Variants in PHACTR1 observed in about 807,000 individuals in gnomAD.
PHACTR1 encodes phosphatase and actin regulator 1.
A neutral mutation model predicts 69.2 loss-of-function variants in PHACTR1; 16 were observed. The observed-to-expected ratio is 0.23, with a 90% CI of 0.16 to 0.35. The LOEUF is 0.35. Among genes scored for constraint, PHACTR1 ranks in the 10% least tolerant of loss-of-function variants. The pLI is 1.00. For synonymous variants in PHACTR1, 312 were observed against 284.5 expected (o/e 1.10, Z -0.97); for missense variants, 510 against 734.7 (o/e 0.69, Z 3.54).
intron 4 of PHACTR1, among the ~76,000 whole-genome samples, chr6:13,044,023 CT>C (rs1185793756): frequency 3.3e-5 from 5 of 152,034 alleles, no homozygotes; most frequent in Non-Finnish European, 7.4e-5. Flanking sequence ...TACTGAATAT[CT>C]AAGGAAGAAT....
intron 10 of PHACTR1, among the ~76,000 whole-genome samples, chr6:13,240,827 A>G (rs1772733701): frequency 6.6e-6 from 1 of 152,162 alleles, no homozygotes; most frequent in South Asian, 2.1e-4. Context: ...GATACGTGCC[A>G]TTTATAACTT....
chr6:13,285,382 G>A (rs1348079560), intron 13 of PHACTR1, among the ~76,000 whole-genome samples: 1 of 152,156 alleles, frequency 6.6e-6, no homozygotes, highest in Non-Finnish European at 1.5e-5. Flanking sequence ...TCCCATCAAA[G>A]CAAGTATCGG....
At chr6:12,919,047 C>T (rs1787339367) in intron 4 of PHACTR1, among the ~76,000 whole-genome samples, 3 of 152,196 alleles carry the variant, frequency 2.0e-5, no homozygotes, top group South Asian at 2.1e-4. Context: ...AGGCTGGTCT[C>T]GAACTCCTGA....
intron 4 of PHACTR1, among the ~76,000 whole-genome samples, chr6:12,933,429 A>G (rs1274973331): frequency 6.6e-6 from 1 of 152,250 alleles, no homozygotes; most frequent in Non-Finnish European, 1.5e-5. Flanking sequence ...TTTAAAAACA[A>G]TCTCCATATA....
chr6:12,795,089 G>A (rs1429960107), intron 4 of PHACTR1, among the ~76,000 whole-genome samples: 1 of 152,136 alleles, frequency 6.6e-6, no homozygotes, highest in Non-Finnish European at 1.5e-5. Context: ...CTGGGGTGGA[G>A]CCAGGGGTTC....
chr6:13,191,777 C>T (rs1763635042), intron 7 of PHACTR1, among the ~76,000 whole-genome samples: 1 of 152,178 alleles, frequency 6.6e-6, no homozygotes, highest in African/African-American at 2.4e-5. Flanking sequence ...TGTCAAAACT[C>T]ATACAAAAAA....
Position 12,883,518 on chromosome 6 carries a change from CT to C in PHACTR1, c.250+133742del, listed in dbSNP as rs149392183. 8.4e-3 allele frequency among the ~76,000 whole-genome samples: 1,178 copies of C among 140,706 alleles called. 15 individuals are homozygous for C. Among genetic ancestry groups the C allele is most frequent in the African/African-American group, 0.01 (392 of 38,518 alleles). The allele number at this position is 140,706 out of a possible 152,430, so 92.3% of individuals were successfully genotyped here. On this transcript the variant is annotated intron_variant, in intron 4 of 14. Coordinates refer to ENST00000332995, the MANE Select transcript of PHACTR1 (RefSeq NM_030948.6). ...GTGTGAGCCACCGTGCCCGTCCAAG[CT>C]TTTTTTTTTTTTTAAAGGTAGAAAG...
At chr6:13,220,452 GCTTAATGACGTCAC>G (rs1484266793) in intron 8 of PHACTR1, among the ~76,000 whole-genome samples, 1 of 152,156 alleles carries the variant, frequency 6.6e-6, no homozygotes, top group African/African-American at 2.4e-5. Flanking sequence ...ATCTCATCAA[GCTTAATGACGTCAC>G]CTTACAAAGC....
At chr6:13,091,854 A>G (rs1045790609) in intron 5 of PHACTR1, among the ~76,000 whole-genome samples, 2 of 151,932 alleles carry the variant, frequency 1.3e-5, no homozygotes, top group Non-Finnish European at 2.9e-5. Context: ...CTGGAGTGCA[A>G]TGGCGCAATC....
intron 10 of PHACTR1, among the ~76,000 whole-genome samples, chr6:13,242,119 A>AG (rs1190728963): frequency 6.6e-6 from 1 of 152,098 alleles, no homozygotes; most frequent in African/African-American, 2.4e-5. Context: ...AAAGCAGCAA[A>AG]GGTTTATTTC....
At chr6:12,956,652 G>C (rs560733468) in intron 4 of PHACTR1, among the ~76,000 whole-genome samples, 2 of 152,076 alleles carry the variant, frequency 1.3e-5, no homozygotes, top group Non-Finnish European at 1.5e-5. Context: ...TATGAGGATC[G>C]AGGTCAGGGC....
intron 4 of PHACTR1, among the ~76,000 whole-genome samples, chr6:12,848,280 T>C (rs1001499078): frequency 6.6e-6 from 1 of 152,238 alleles, no homozygotes; most frequent in African/African-American, 2.4e-5. Flanking sequence ...GATCAAGATT[T>C]GTCCATTTTC....
Position 13,069,514 on chromosome 6 carries a change from C to T in PHACTR1, c.415+15985C>T, listed in dbSNP as rs1305063733. Among the ~76,000 whole-genome samples, 2 of 152,088 alleles carry T rather than the reference C, an allele frequency of 1.3e-5. 1 individual carries two copies. ...CCTTGGACCAGTCCTGGGAGTCATG[C>T]CTGACTCTCCTGGAGTACTTCTCTT... On this transcript the variant is annotated intron_variant, in intron 5 of 14. Transcript: ENST00000332995.
intron 5 of PHACTR1, among the ~76,000 whole-genome samples, chr6:13,075,387 G>T (rs955802154): frequency 6.6e-6 from 1 of 152,134 alleles, no homozygotes. Flanking sequence ...TTCCCTCAAT[G>T]ATTTTGATTT....
At chr6:12,732,957 C>T (rs904243840) in intron 3 of PHACTR1, among the ~76,000 whole-genome samples, 3 of 152,150 alleles carry the variant, frequency 2.0e-5, no homozygotes, top group African/African-American at 7.2e-5. Flanking sequence ...ACTAATACCT[C>T]GTGATCTAAT....
intron 4 of PHACTR1, among the ~76,000 whole-genome samples, chr6:12,884,717 C>T (rs1783464359): frequency 1.3e-5 from 2 of 152,004 alleles, no homozygotes; most frequent in Admixed American, 1.3e-4. Flanking sequence ...ATTTTGTATG[C>T]GTCAAAATCA....
chr6:13,121,697 A>C (rs1192870838), intron 5 of PHACTR1, among the ~76,000 whole-genome samples: 2 of 152,230 alleles, frequency 1.3e-5, no homozygotes, highest in Admixed American at 6.5e-5. Context: ...TCTGGCAGCT[A>C]TATGAAGGCT....
intron 4 of PHACTR1, among the ~76,000 whole-genome samples, chr6:13,026,676 G>C (rs1801743627): frequency 6.6e-6 from 1 of 152,050 alleles, no homozygotes; most frequent in Non-Finnish European, 1.5e-5. Context: ...AGGGTGGGAG[G>C]ATGATAGCCC....
At chr6:13,127,573 GA>G in intron 5 of PHACTR1, among the ~76,000 whole-genome samples, 1 of 152,234 alleles carries the variant, frequency 6.6e-6, no homozygotes, top group Non-Finnish European at 1.5e-5. Context: ...CTGTAAAAAA[GA>G]AACAAAGGAA....
Sources: allele counts gnomAD v4.1 joint callset (sites outside exome capture counted in the v4.1 genomes callset), GRCh38; gene constraint gnomAD v4.1.1; transcripts MANE v1.5; gene names NCBI Gene and HGNC (gene_info 2026-07-23, HGNC 2026-07-21).